PPP1CB: variants seen among roughly 807,000 people sequenced by gnomAD.
PPP1CB encodes the protein serine/threonine-protein phosphatase PP1-beta catalytic subunit.
In PPP1CB, 2 loss-of-function variants were observed where a neutral mutation model predicts 43.7. The observed-to-expected ratio is 0.05, with a 90% CI of 0.02 to 0.14. The LOEUF (loss-of-function observed/expected upper bound fraction) is 0.14, where lower values mean the gene tolerates loss of function less well. PPP1CB is among the 10% of genes least tolerant of loss of function. The probability of loss-of-function intolerance (pLI) is 1.00; values close to 1 mark genes in which losing one functional copy is unlikely to be tolerated. For missense variants in PPP1CB, 84 were observed against 398.0 expected (o/e 0.21, Z 6.71); for synonymous variants, 136 against 135.6 (o/e 1.00, Z -0.02).
chr2:28,771,660 C>G (rs1308885387), intron 1 of PPP1CB, among the ~76,000 whole-genome samples: 1 of 152,112 alleles, frequency 6.6e-6, no homozygotes, highest in Non-Finnish European at 1.5e-5. Context: ...ATAAATGGTG[C>G]TGAATCAACT....
chr2:28,768,533 T>G (rs1666831307), intron 1 of PPP1CB, among the ~76,000 whole-genome samples: 2 of 152,170 alleles, frequency 1.3e-5, no homozygotes, highest in African/African-American at 4.8e-5. Context: ...AAATGGAAGT[T>G]CAAATCCTGC....
At chr2:28,793,755 T>G in intron 6 of PPP1CB, 108 bp from the exon 7 acceptor site, 4 of 1,205,096 alleles carry the variant, frequency 3.3e-6, no homozygotes, top group South Asian at 1.6e-5. Flanking sequence ...ACAGGGTGGT[T>G]TGGGGGTGAG....
chr2:28,751,735 G>C (rs1464025987), upstream of PPP1CB: 1 of 261,332 alleles, frequency 3.8e-6, no homozygotes, highest in Non-Finnish European at 7.4e-6. Context: ...CGCACCGCGC[G>C]CCTGCGCGGA....
intron 5 of PPP1CB, among the ~76,000 whole-genome samples, chr2:28,786,977 T>C (rs1572465157): frequency 6.6e-6 from 1 of 152,132 alleles, no homozygotes; most frequent in East Asian, 1.9e-4. Context: ...TAAAACAACA[T>C]ACAGGGAGCT....
At chr2:28,764,000 C>T (rs916812078) in intron 1 of PPP1CB, among the ~76,000 whole-genome samples, 1 of 151,956 alleles carries the variant, frequency 6.6e-6, no homozygotes, top group African/African-American at 2.4e-5. Flanking sequence ...CATGCCCGGC[C>T]CACATTAATT....
rs182468105 is a variant in PPP1CB at position 28,802,268 on chromosome 2, T to G, written c.*2965T>G. 2.0e-5 allele frequency: 3 copies of G among 152,334 alleles called. No homozygotes were observed. The highest frequency in any genetic ancestry group is 4.1e-4 in the South Asian group (2 of 4,830). 9.4% of individuals were successfully genotyped at this position (152,334 alleles called of 1,614,324 possible). On this transcript the variant is annotated 3_prime_UTR_variant, in exon 8 of 8. Transcript: ENST00000395366. ...ATCTCAGTTTATAAATTCAGGTATA[T>G]TCTTTTTGTCTCCATGGCAACCATA...
chr2:28,755,589 A>G (rs1666471069), intron 1 of PPP1CB, among the ~76,000 whole-genome samples: 1 of 152,220 alleles, frequency 6.6e-6, no homozygotes, highest in Admixed American at 6.5e-5. Flanking sequence ...TTGTATGAGT[A>G]TTCTGGAAAA....
At chr2:28,771,049 C>CG (rs1666900393) in intron 1 of PPP1CB, among the ~76,000 whole-genome samples, 1 of 98,880 alleles carries the variant, frequency 1.0e-5, no homozygotes, top group African/African-American at 3.7e-5. Flanking sequence ...CTCCCCCCCC[C>CG]CCACCCTTTT....
chr2:28,771,004 A>G (rs1386582990), intron 1 of PPP1CB, among the ~76,000 whole-genome samples: 1 of 147,886 alleles, frequency 6.8e-6, no homozygotes, highest in Non-Finnish European at 1.5e-5. Context: ...TTGTGAAGAT[A>G]CCAATTCTGT....
chr2:28,778,012 T>TAG (rs1309607206), intron 2 of PPP1CB, among the ~76,000 whole-genome samples: 2 of 152,152 alleles, frequency 1.3e-5, no homozygotes, highest in Non-Finnish European at 2.9e-5. Flanking sequence ...AAGTAAGAGG[T>TAG]AGTAGTTCAG....
At chr2:28,792,526 C>T in intron 6 of PPP1CB, among the ~76,000 whole-genome samples, 1 of 151,940 alleles carries the variant, frequency 6.6e-6, no homozygotes, top group Admixed American at 6.6e-5. Context: ...TGTCTCCACA[C>T]AAGCACATAC....
chr2:28,760,251 C>T (rs1666610012), intron 1 of PPP1CB, among the ~76,000 whole-genome samples: 1 of 152,064 alleles, frequency 6.6e-6, no homozygotes, highest in African/African-American at 2.4e-5. Context: ...TTGTTTTAAG[C>T]TAATCGTTAC....
At chr2:28,753,747 T>C (rs1454925229) in intron 1 of PPP1CB, among the ~76,000 whole-genome samples, 10 of 152,204 alleles carry the variant, frequency 6.6e-5, no homozygotes, top group Non-Finnish European at 1.5e-5. Context: ...TTATTTTTAT[T>C]TTTTGAGACG....
Position 28,781,856 on chromosome 2 carries a change from T to C in PPP1CB, c.520+14T>C, listed in dbSNP as rs758909673. Reference sequence around the variant, plus strand: ...GTTGTCATGGAGGTAGACTAGTAAATTTGCCTTACAGATTTTTTTTTTCTT... The same window carrying C: ...GTTGTCATGGAGGTAGACTAGTAAACTTGCCTTACAGATTTTTTTTTTCTT... On this transcript the variant is annotated intron_variant, in intron 4 of 7. Transcript: ENST00000395366. The C allele has an allele frequency of 6.3e-7, 1 of 1,585,878 alleles. No homozygotes were observed. Among genetic ancestry groups the C allele is most frequent in the Non-Finnish European group, 8.7e-7 (1 of 1,155,030 alleles).
At chr2:28,771,040 T>TCCCCCCC (rs58673755) in intron 1 of PPP1CB, among the ~76,000 whole-genome samples, 20 of 69,986 alleles carry the variant, frequency 2.9e-4, no homozygotes, top group Non-Finnish European at 4.4e-4. Context: ...TATTCCCTGC[T>TCCCCCCC]CCCCCCCCCC....
chr2:28,795,703 T>C (rs1667484709), intron 7 of PPP1CB, among the ~76,000 whole-genome samples: 1 of 152,214 alleles, frequency 6.6e-6, no homozygotes, highest in African/African-American at 2.4e-5. Flanking sequence ...ATTAGACCTT[T>C]GTTGGATGCA....
chr2:28,763,855 GCCA>G (rs1666717532), intron 1 of PPP1CB, among the ~76,000 whole-genome samples: 1 of 151,966 alleles, frequency 6.6e-6, no homozygotes, highest in African/African-American at 2.4e-5. Flanking sequence ...ACAGGTGCGC[GCCA>G]CCACACCTGG....
At chr2:28,791,874 A>G (rs779765907) in intron 6 of PPP1CB, among the ~76,000 whole-genome samples, 7 of 152,164 alleles carry the variant, frequency 4.6e-5, no homozygotes, top group Non-Finnish European at 1.0e-4. Context: ...AAATCCTTCT[A>G]TTGTGCTTAT....
chr2:28,760,467 C>T lies in PPP1CB; in HGVS notation c.52+8291C>T, dbSNP rs533037981. 1.1e-3 allele frequency among the ~76,000 whole-genome samples: 172 copies of T among 152,324 alleles called. 1 individual carries two copies. Among genetic ancestry groups the T allele is most frequent in the Non-Finnish European group, 1.6e-3 (111 of 68,034 alleles). On this transcript the variant is annotated intron_variant, in intron 1 of 7. Transcript: ENST00000395366. ...CTGCAGTATTCAGTACAGTAACATA[C>T]TGTGCATCATGCTTTGTAGCCTAAG... is the stretch of plus-strand genomic sequence containing the variant.
Sources: gnomAD v4.1 joint callset for allele counts (sites outside exome capture counted in the v4.1 genomes callset) on GRCh38, gnomAD v4.1.1 for gene constraint, MANE v1.5 for transcripts, NCBI Gene and HGNC (gene_info 2026-07-23, HGNC 2026-07-21) for gene names.